Variants in NAALADL2 observed in about 807,000 individuals in gnomAD.
NAALADL2 encodes the protein inactive N-acetylated-alpha-linked acidic dipeptidase-like protein 2.
In NAALADL2, 76 loss-of-function variants were observed where a neutral mutation model predicts 87.2. The ratio of observed to expected loss-of-function variants is 0.87; its 90% CI spans 0.72 to 1.05. The LOEUF (loss-of-function observed/expected upper bound fraction) is 1.05. Ranked by LOEUF, NAALADL2 falls within the 50% of genes least tolerant of loss-of-function variation. NAALADL2 has a pLI of 0.00. For synonymous variants in NAALADL2, 354 were observed against 331.0 expected (o/e 1.07, Z -0.75); for missense variants, 1,089 against 945.8 (o/e 1.15, Z -1.99).
intron 2 of NAALADL2, among the ~76,000 whole-genome samples, chr3:174,612,095 G>A (rs962746014): frequency 4.6e-5 from 7 of 151,936 alleles, no homozygotes; most frequent in Non-Finnish European, 8.8e-5. Context: ...ATTTCCTTTA[G>A]CACTTTAAGT....
intron 3 of NAALADL2, among the ~76,000 whole-genome samples, chr3:175,240,173 A>C (rs2109585606): frequency 6.6e-6 from 1 of 152,358 alleles, no homozygotes; most frequent in Non-Finnish European, 1.5e-5. Context: ...TAAAAGTGAA[A>C]GCTCAAAAAA....
chr3:175,762,389 G>A (rs760718600), intron 13 of NAALADL2, among the ~76,000 whole-genome samples: 7 of 152,024 alleles, frequency 4.6e-5, no homozygotes, highest in African/African-American at 1.2e-4. Flanking sequence ...TTATAGGAGA[G>A]CACTGGACTT....
chr3:175,060,880 T>G (rs928383161), intron 1 of NAALADL2, among the ~76,000 whole-genome samples: 5 of 152,248 alleles, frequency 3.3e-5, no homozygotes, highest in South Asian at 2.1e-4. Flanking sequence ...AAATCCCATC[T>G]CTACTAAAAA....
intron 2 of NAALADL2, among the ~76,000 whole-genome samples, chr3:175,153,506 G>T (rs1007381798): frequency 1.3e-5 from 2 of 151,974 alleles, no homozygotes; most frequent in African/African-American, 2.4e-5. Context: ...CTTGTCCATG[G>T]GTCCCTTTCT....
chr3:175,519,551 T>G (rs1732336000), intron 9 of NAALADL2, among the ~76,000 whole-genome samples: 1 of 152,132 alleles, frequency 6.6e-6, no homozygotes, highest in Admixed American at 6.6e-5. Flanking sequence ...CTTGAACACA[T>G]AAAACAATAT....
chr3:174,695,070 G>A (rs1258964918), intron 2 of NAALADL2, among the ~76,000 whole-genome samples: 1 of 151,932 alleles, frequency 6.6e-6, no homozygotes, highest in Non-Finnish European at 1.5e-5. Context: ...AAGACAGAAA[G>A]GGATTTTATT....
chr3:175,647,791 C>G (rs1365445517), intron 11 of NAALADL2, among the ~76,000 whole-genome samples: 1 of 152,114 alleles, frequency 6.6e-6, no homozygotes, highest in East Asian at 1.9e-4. Flanking sequence ...GATTAGTGTC[C>G]ACAGAGGACT....
In NAALADL2 at chr3:174,831,258, T is replaced by C. The variant is rs1166476903; in HGVS notation, c.-9+93512T>C. 1.6e-4 allele frequency among the ~76,000 whole-genome samples: 24 copies of C among 150,402 alleles called. No homozygotes were observed. The East Asian group carries it at 4.6e-3, about 29-fold the overall frequency. ...TGGCTGTGGGTTTGTCATAGATAGCTCTTATTATTTTGAAATACGTCCCAT... is the reference window on the plus strand; with the variant it reads ...TGGCTGTGGGTTTGTCATAGATAGCCCTTATTATTTTGAAATACGTCCCAT... On this transcript the variant is annotated intron_variant, in intron 3 of 3. Coordinates refer to the NAALADL2 transcript ENST00000434257.
chr3:174,497,993 T>C (rs1044436939), intron 1 of NAALADL2, among the ~76,000 whole-genome samples: 41 of 152,184 alleles, frequency 2.7e-4, no homozygotes, highest in Admixed American at 2.0e-4. Context: ...CCTAACATTT[T>C]AGAATGCTTA....
At chr3:175,522,191 A>G (rs967472790) in intron 9 of NAALADL2, among the ~76,000 whole-genome samples, 6 of 152,168 alleles carry the variant, frequency 3.9e-5, no homozygotes, top group African/African-American at 1.2e-4. Flanking sequence ...TTCTAAGCAC[A>G]TTATTTAAAA....
chr3:175,216,753 C>A (rs1215197489), intron 2 of NAALADL2, among the ~76,000 whole-genome samples: 1 of 146,654 alleles, frequency 6.8e-6, no homozygotes, highest in Non-Finnish European at 1.5e-5. Context: ...ATCGCAACCT[C>A]CACCTCCCAG....
At chr3:175,064,334 TCA>T (rs1714144902) in intron 1 of NAALADL2, among the ~76,000 whole-genome samples, 1 of 151,290 alleles carries the variant, frequency 6.6e-6, no homozygotes, top group Non-Finnish European at 1.5e-5. Flanking sequence ...GTGATGATGC[TCA>T]CTTCTCTAAG....
chr3:175,616,897 T>C (rs1175417019), intron 10 of NAALADL2, among the ~76,000 whole-genome samples: 1 of 152,088 alleles, frequency 6.6e-6, no homozygotes, highest in Non-Finnish European at 1.5e-5. Context: ...GTGGGACCCC[T>C]AAGGTAGATC....
chr3:175,497,378 C>T (rs1728962126), intron 9 of NAALADL2, among the ~76,000 whole-genome samples: 1 of 152,180 alleles, frequency 6.6e-6, no homozygotes, highest in African/African-American at 2.4e-5. Context: ...GAAGTTCAGA[C>T]ATTTGCAGAA....
chr3:175,130,743 C>A lies in NAALADL2; in HGVS notation c.545+33452C>A, dbSNP rs192076364. Among the ~76,000 whole-genome samples the A allele has an allele frequency of 4.4e-3, 665 of 152,276 alleles. 3 individuals carry two copies. Among genetic ancestry groups the A allele is most frequent in the African/African-American group, 0.015 (638 of 41,564 alleles). ...ACATGTATGTGTCTATTTGTGGGTT[C>A]TATTCTGTTTCACTGGTATATATGT... On this transcript the variant is annotated intron_variant, in intron 2 of 13. Coordinates refer to ENST00000454872, the MANE Select transcript of NAALADL2 (RefSeq NM_207015.3).
chr3:174,996,993 GGTGTGTGTGTGTGTGTGTGT>G (rs34590643), intron 1 of NAALADL2, among the ~76,000 whole-genome samples: 53 of 121,580 alleles, frequency 4.4e-4, no homozygotes, highest in East Asian at 2.9e-3. Flanking sequence ...TATTCCAAGG[GGTGTGTGTGTGTGTGTGTGT>G]GTGTGTGTGT....
chr3:174,809,480 C>A (rs1196219194), intron 3 of NAALADL2, among the ~76,000 whole-genome samples: 13 of 152,228 alleles, frequency 8.5e-5, no homozygotes, highest in African/African-American at 2.9e-4. Flanking sequence ...CAGTAAAAAG[C>A]TTTGTTGAAC....
intron 2 of NAALADL2, among the ~76,000 whole-genome samples, chr3:174,599,895 G>C (rs955931045): frequency 1.5e-4 from 23 of 151,962 alleles, no homozygotes; most frequent in Non-Finnish European, 1.5e-4. Flanking sequence ...TGGCATCACT[G>C]GGCATTATCA....
intron 2 of NAALADL2, among the ~76,000 whole-genome samples, chr3:174,610,849 T>C (rs1174632692): frequency 6.6e-6 from 1 of 152,140 alleles, no homozygotes; most frequent in Non-Finnish European, 1.5e-5. Flanking sequence ...CATGCTGCTA[T>C]AAAGACACAT....
Sources: gnomAD v4.1 joint callset for allele counts (sites outside exome capture counted in the v4.1 genomes callset) on GRCh38, gnomAD v4.1.1 for gene constraint, MANE v1.5 for transcripts, NCBI Gene and HGNC (gene_info 2026-07-23, HGNC 2026-07-21) for gene names.